GRIN2A: variants seen among roughly 807,000 people sequenced by gnomAD.
GRIN2A encodes the protein glutamate ionotropic receptor NMDA type subunit 2A.
GRIN2A carries 22 observed loss-of-function variants against 113.4 expected under a neutral mutation model. The observed-to-expected ratio is 0.19, with a 90% confidence interval of 0.14 to 0.28. GRIN2A has a LOEUF of 0.28. Among genes scored for constraint, GRIN2A ranks in the 10% least tolerant of loss-of-function variants. The probability of loss-of-function intolerance (pLI) is 1.00; values close to 1 mark genes in which losing one functional copy is unlikely to be tolerated. For synonymous variants in GRIN2A, 827 were observed against 738.4 expected (o/e 1.12, Z -1.94); for missense variants, 1,502 against 1,887.0 (o/e 0.80, Z 3.78).
chr16:9,847,278 C>T (rs1442900827), intron 5 of GRIN2A, among the ~76,000 whole-genome samples: 3 of 151,962 alleles, frequency 2.0e-5, no homozygotes, highest in African/African-American at 4.8e-5. Context: ...TAAAGGAAGC[C>T]GGACACAGTG....
intron 2 of GRIN2A, among the ~76,000 whole-genome samples, chr16:9,950,801 AG>A (rs2045161392): frequency 6.6e-6 from 1 of 152,210 alleles, no homozygotes; most frequent in South Asian, 2.1e-4. Flanking sequence ...TCCGTGTCCT[AG>A]GCTGTAAAAC....
At chr16:9,846,803 GA>G (rs1235027224) in intron 5 of GRIN2A, among the ~76,000 whole-genome samples, 1 of 152,162 alleles carries the variant, frequency 6.6e-6, no homozygotes, top group Non-Finnish European at 1.5e-5. Flanking sequence ...AAACAGATCA[GA>G]AAAGACTCAG....
At chr16:9,933,252 G>A (rs1029125867) in intron 3 of GRIN2A, among the ~76,000 whole-genome samples, 5 of 152,046 alleles carry the variant, frequency 3.3e-5, no homozygotes, top group Admixed American at 2.6e-4. Flanking sequence ...GTACAGAAAC[G>A]GTTGGGTGTA....
At chr16:9,967,227 A>G (rs1051644518) in intron 2 of GRIN2A, among the ~76,000 whole-genome samples, 2 of 152,248 alleles carry the variant, frequency 1.3e-5, no homozygotes, top group East Asian at 1.9e-4. Context: ...GATCAAGAAA[A>G]TGTGGTAGAT....
At chr16:10,175,763 G>A (rs757396952) in intron 2 of GRIN2A, among the ~76,000 whole-genome samples, 9 of 152,060 alleles carry the variant, frequency 5.9e-5, no homozygotes, top group Non-Finnish European at 8.8e-5. Context: ...TCTGAGCCTC[G>A]TCTTTTCCTG....
At chr16:10,053,460 A>C (rs923314239) in intron 2 of GRIN2A, among the ~76,000 whole-genome samples, 3 of 152,208 alleles carry the variant, frequency 2.0e-5, no homozygotes, top group Non-Finnish European at 4.4e-5. Flanking sequence ...TTAAACCTGA[A>C]ATGTGTGCCT....
chr16:9,953,684 C>T (rs922257020), intron 2 of GRIN2A, among the ~76,000 whole-genome samples: 16 of 151,942 alleles, frequency 1.1e-4, no homozygotes, highest in Admixed American at 5.9e-4. Context: ...AGGAGAGGTA[C>T]GAGGAGAAAG....
At chr16:9,917,318 C>T (rs1004983980) in intron 3 of GRIN2A, among the ~76,000 whole-genome samples, 9 of 152,220 alleles carry the variant, frequency 5.9e-5, no homozygotes, top group Non-Finnish European at 1.3e-4. Flanking sequence ...GAGATTATAA[C>T]CCCAGGGGTC....
At chr16:9,849,169 A>G (rs928510025) in intron 5 of GRIN2A, among the ~76,000 whole-genome samples, 4 of 136,360 alleles carry the variant, frequency 2.9e-5, no homozygotes, top group African/African-American at 1.0e-4. Context: ...TATATAAAAT[A>G]TACTGTTTTA....
At chr16:9,937,799 TGAAA>T (rs1447989410) in intron 3 of GRIN2A, 156 bp downstream of exon 3, 6 of 636,070 alleles carry the variant, frequency 9.4e-6, no homozygotes, top group Admixed American at 5.1e-5. Flanking sequence ...ACAAAGGAGA[TGAAA>T]GAAAGAGAGA....
At chr16:9,818,296 G>A (rs573192188) in intron 10 of GRIN2A, among the ~76,000 whole-genome samples, 22 of 151,462 alleles carry the variant, frequency 1.5e-4, no homozygotes, top group Admixed American at 6.6e-4. Context: ...AATCATCTGA[G>A]GAGTTGAAGT....
intron 10 of GRIN2A, among the ~76,000 whole-genome samples, chr16:9,804,538 C>T (rs1407417278): frequency 1.3e-5 from 2 of 152,032 alleles, no homozygotes; most frequent in Non-Finnish European, 2.9e-5. Context: ...GGAGGACGTT[C>T]AGAGGTCAGG....
chr16:9,807,780 A>C (rs2042011374), intron 10 of GRIN2A, among the ~76,000 whole-genome samples: 1 of 152,192 alleles, frequency 6.6e-6, no homozygotes, highest in Admixed American at 6.5e-5. Flanking sequence ...GCTGGGATGC[A>C]GGGTCAGAGA....
intron 11 of GRIN2A, among the ~76,000 whole-genome samples, chr16:9,785,660 ATAT>A (rs1902192914): frequency 1.3e-5 from 2 of 152,160 alleles, no homozygotes; most frequent in African/African-American, 4.8e-5. Context: ...AAGTTATAAA[ATAT>A]TATAAAATTA....
At chr16:10,175,580 T>C (rs1156476663) in intron 2 of GRIN2A, among the ~76,000 whole-genome samples, 1 of 152,212 alleles carries the variant, frequency 6.6e-6, no homozygotes, top group Non-Finnish European at 1.5e-5. Flanking sequence ...TTTTTATATG[T>C]CTGCGGAGGA....
At chr16:10,119,709 T>A (rs1214777316) in intron 2 of GRIN2A, among the ~76,000 whole-genome samples, 1 of 152,192 alleles carries the variant, frequency 6.6e-6, no homozygotes, top group African/African-American at 2.4e-5. Flanking sequence ...ACCTGACAGG[T>A]AGTTTTTTAT....
chr16:9,912,070 T>C (rs991207207), intron 3 of GRIN2A, among the ~76,000 whole-genome samples: 1 of 152,010 alleles, frequency 6.6e-6, no homozygotes, highest in African/African-American at 2.4e-5. Context: ...GCACAAAATA[T>C]GTGTTAACTA....
intron 2 of GRIN2A, among the ~76,000 whole-genome samples, chr16:10,146,613 A>C (rs1019796341): frequency 2.6e-5 from 4 of 151,982 alleles, no homozygotes; most frequent in African/African-American, 9.7e-5. Context: ...TCTATTTCAG[A>C]GTGACAGCTA....
At chr16:10,138,489 C>T (rs1025159523) in intron 2 of GRIN2A, among the ~76,000 whole-genome samples, 2 of 152,044 alleles carry the variant, frequency 1.3e-5, no homozygotes, top group African/African-American at 4.8e-5. Context: ...CACTTTTAAA[C>T]CATCAGATCT....
Sources: allele counts gnomAD v4.1 joint callset (sites outside exome capture counted in the v4.1 genomes callset), GRCh38; gene constraint gnomAD v4.1.1; transcripts MANE v1.5; gene names NCBI Gene and HGNC (gene_info 2026-07-23, HGNC 2026-07-21).